Variants in PLA2G4E observed in about 807,000 individuals in gnomAD.
The protein encoded by PLA2G4E is cytosolic phospholipase A2 epsilon.
In PLA2G4E, 84 loss-of-function variants were observed where a neutral mutation model predicts 109.1. The ratio of observed to expected loss-of-function variants is 0.77; its 90% CI spans 0.65 to 0.92. The LOEUF is 0.92. PLA2G4E is among the 40% of genes least tolerant of loss of function. PLA2G4E has a pLI of 0.00. For missense variants in PLA2G4E, 1,057 were observed against 1,076.6 expected (o/e 0.98, Z 0.25); for synonymous variants, 469 against 436.1 (o/e 1.08, Z -0.94).
rs1434310332 is a variant in PLA2G4E at position 41,990,111 on chromosome 15, C to T, written c.1585+10G>A. 1.2e-6 allele frequency: 2 copies of T among 1,608,884 alleles called. No individual in the cohort carries two copies. The highest frequency in any genetic ancestry group is 2.2e-5 in the East Asian group (1 of 44,784). On this transcript the variant is annotated intron_variant, in intron 14 of 19. Transcript: ENST00000399518. ...CACCCCACTTGTAAATCACCAGCCA[C>T]TGGTGTTACCTCTGAAGTCCTGGTT...
intron 3 of PLA2G4E, 30 bp downstream of exon 3, chr15:42,007,699 G>A (rs761229580): frequency 1.9e-6 from 3 of 1,603,522 alleles, no homozygotes; most frequent in South Asian, 2.2e-5. Context: ...ATGCAGACAG[G>A]GAAGACAGGT....
At chr15:42,000,148 A>T in exon 8 of PLA2G4E, 1 of 1,594,250 alleles carries the variant, frequency 6.3e-7, no homozygotes. Flanking sequence ...TGCACCTGGG[A>T]CTGGAAGTAC....
At chr15:42,037,979 C>T (rs976318130) in intron 1 of PLA2G4E, among the ~76,000 whole-genome samples, 4 of 152,124 alleles carry the variant, frequency 2.6e-5, no homozygotes, top group African/African-American at 7.2e-5. Context: ...GTGGGCAGAA[C>T]GAACCCAGCG....
At chr15:41,995,889 A>G (rs1715601695) in intron 11 of PLA2G4E, among the ~76,000 whole-genome samples, 1 of 152,198 alleles carries the variant, frequency 6.6e-6, no homozygotes, top group Admixed American at 6.5e-5. Context: ...ACAAACCAAC[A>G]TCTTCTGTAG....
At chr15:42,040,480 C>A (rs548279231) in intron 1 of PLA2G4E, among the ~76,000 whole-genome samples, 4 of 151,988 alleles carry the variant, frequency 2.6e-5, no homozygotes, top group Non-Finnish European at 5.9e-5. Flanking sequence ...AGTGAGAAAG[C>A]AAGATATGAA....
chr15:42,023,173 G>T (rs1027755168), intron 1 of PLA2G4E, among the ~76,000 whole-genome samples: 2 of 150,884 alleles, frequency 1.3e-5, no homozygotes, highest in African/African-American at 5.0e-5. Context: ...AAATTGGGCA[G>T]AAAGAAGGAG....
chr15:41,984,064 G>A, intron 19 of PLA2G4E, 90 bp from the exon 20 acceptor site: 4 of 1,165,168 alleles, frequency 3.4e-6, no homozygotes, highest in East Asian at 2.6e-5. Flanking sequence ...CCACCAACCT[G>A]CACTCACGGA....
At chr15:42,007,806 T>C (rs1324100046) in exon 3 of PLA2G4E, 3 of 1,611,360 alleles carry the variant, frequency 1.9e-6, no homozygotes, top group African/African-American at 2.7e-5. Flanking sequence ...GTCCTTGTCC[T>C]CAGCTTCTTC....
chr15:42,015,909 C>A (rs925490704), intron 1 of PLA2G4E, among the ~76,000 whole-genome samples: 26 of 152,360 alleles, frequency 1.7e-4, no homozygotes, highest in Admixed American at 1.7e-3. Flanking sequence ...TTGGTTCATG[C>A]CTTTCCTGTT....
At chr15:42,020,150 C>G (rs1247567215) in intron 1 of PLA2G4E, among the ~76,000 whole-genome samples, 2 of 152,230 alleles carry the variant, frequency 1.3e-5, no homozygotes, top group East Asian at 1.9e-4. Context: ...GGAGACTGAA[C>G]AGGGTCTTCA....
chr15:42,015,392 C>T (rs2068579271), intron 1 of PLA2G4E, among the ~76,000 whole-genome samples: 1 of 152,214 alleles, frequency 6.6e-6, no homozygotes, highest in Admixed American at 6.5e-5. Context: ...AGGCGTTAAG[C>T]CTGTGGGAGC....
intron 1 of PLA2G4E, among the ~76,000 whole-genome samples, chr15:42,023,111 A>G (rs1235874536): frequency 6.6e-6 from 1 of 151,984 alleles, no homozygotes; most frequent in East Asian, 1.9e-4. Flanking sequence ...CTGTGCAGTG[A>G]GTTGTGTGGG....
intron 1 of PLA2G4E, among the ~76,000 whole-genome samples, chr15:42,044,481 A>G (rs1221840731): frequency 6.6e-6 from 1 of 152,014 alleles, no homozygotes; most frequent in Non-Finnish European, 1.5e-5. Context: ...CATGGTCAAG[A>G]TTTGGGATTT....
At chr15:41,992,853 A>G in exon 13 of PLA2G4E, 1 of 1,613,984 alleles carries the variant, frequency 6.2e-7, no homozygotes, top group East Asian at 2.2e-5. Flanking sequence ...TGGTCTGGGA[A>G]CAGGGAGGGT....
chr15:42,030,714 C>T (rs887207543), intron 1 of PLA2G4E, among the ~76,000 whole-genome samples: 1 of 152,224 alleles, frequency 6.6e-6, no homozygotes, highest in Non-Finnish European at 1.5e-5. Context: ...TCTGCTTCCC[C>T]CTCAGCCCAA....
intron 1 of PLA2G4E, among the ~76,000 whole-genome samples, chr15:42,032,116 C>T (rs1008496044): frequency 6.6e-6 from 1 of 152,218 alleles, no homozygotes; most frequent in African/African-American, 2.4e-5. Flanking sequence ...TGTCAGCCTT[C>T]TGCCACGAGT....
At chr15:42,009,765 C>G (rs1326840077) in intron 2 of PLA2G4E, 2 of 166,688 alleles carry the variant, frequency 1.2e-5, no homozygotes, top group African/African-American at 4.8e-5. Flanking sequence ...TTCAAAACTG[C>G]CTTTGCACAT....
intron 1 of PLA2G4E, among the ~76,000 whole-genome samples, chr15:42,014,884 C>T (rs539563264): frequency 1.4e-4 from 22 of 152,252 alleles, no homozygotes; most frequent in African/African-American, 4.3e-4. Flanking sequence ...GATGCCTCTG[C>T]GGGTCATGAT....
intron 10 of PLA2G4E, 116 bp downstream of exon 10, chr15:41,999,408 A>G (rs1595563507): frequency 1.4e-6 from 1 of 740,570 alleles, no homozygotes; most frequent in East Asian, 2.7e-5. Flanking sequence ...GCCCATGGAA[A>G]GATGTTCAAC....
Sources: gnomAD v4.1 joint callset for allele counts (sites outside exome capture counted in the v4.1 genomes callset) on GRCh38, gnomAD v4.1.1 for gene constraint, MANE v1.5 for transcripts, NCBI Gene and HGNC (gene_info 2026-07-23, HGNC 2026-07-21) for gene names.